MEIKIN: variants seen among roughly 807,000 people sequenced by gnomAD.
MEIKIN encodes meiotic kinetochore factor, also known as meiosis-specific kinetochore protein.
chr5:131,883,813 C>T (rs1369843583), intron 8 of MEIKIN, among the ~76,000 whole-genome samples: 2 of 152,178 alleles, frequency 1.3e-5, no homozygotes, highest in Non-Finnish European at 2.9e-5. Context: ...CCTTCATCCC[C>T]CCACAGCAGC....
intron 9 of MEIKIN, among the ~76,000 whole-genome samples, chr5:131,867,101 A>G (rs952774406): frequency 3.3e-5 from 5 of 152,208 alleles, no homozygotes; most frequent in South Asian, 2.1e-4. Flanking sequence ...TCTTCAACCC[A>G]TTCTAATCTG....
intron 8 of MEIKIN, among the ~76,000 whole-genome samples, chr5:131,881,955 C>CA (rs1434345910): frequency 1.3e-5 from 2 of 152,076 alleles, no homozygotes; most frequent in East Asian, 3.9e-4. Flanking sequence ...TTGATATGTC[C>CA]AAAAAAATTA....
intron 9 of MEIKIN, among the ~76,000 whole-genome samples, chr5:131,857,850 A>C (rs1435798048): frequency 6.6e-6 from 1 of 152,076 alleles, no homozygotes; most frequent in African/African-American, 2.4e-5. Flanking sequence ...TGCTGGTGTG[A>C]GCACACCCTG....
chr5:131,916,883 T>C lies in MEIKIN; in HGVS notation c.638+3A>G. The stretch of plus-strand genomic sequence containing the variant: ...CAACAATTTTAAAATTTTTAGTTCT[T>C]ACGTTTTTCTATGGCATTTCTGATA... On this transcript the variant is annotated splice_donor_region_variant and intron_variant, in intron 7 of 12. Coordinates refer to ENST00000442687, the MANE Select transcript of MEIKIN (RefSeq NM_001303622.2). The C allele has an allele frequency of 2.5e-6, 1 of 397,374 alleles. No individual in the cohort carries two copies. Among genetic ancestry groups the C allele is most frequent in the Non-Finnish European group, 4.4e-6 (1 of 225,106 alleles). The allele number at this position is 397,374 out of a possible 1,614,324, so 24.6% of individuals were successfully genotyped here.
chr5:131,823,237 A>G (rs1749550858), intron 11 of MEIKIN, among the ~76,000 whole-genome samples: 1 of 152,068 alleles, frequency 6.6e-6, no homozygotes, highest in African/African-American at 2.4e-5. Flanking sequence ...TTTCTCTATG[A>G]TTGGGAAGTT....
At chr5:131,872,048 A>G (rs1750513154) in intron 9 of MEIKIN, among the ~76,000 whole-genome samples, 3 of 152,216 alleles carry the variant, frequency 2.0e-5, no homozygotes, top group Admixed American at 2.0e-4. Flanking sequence ...AAGATGGGGA[A>G]AAAACAGAGC....
At chr5:131,872,380 C>A (rs1750521017) in intron 9 of MEIKIN, among the ~76,000 whole-genome samples, 1 of 152,060 alleles carries the variant, frequency 6.6e-6, no homozygotes, top group African/African-American at 2.4e-5. Context: ...ATGCAATCAA[C>A]TGGAAGAAAG....
At chr5:131,869,608 G>T (rs1003412826) in intron 9 of MEIKIN, among the ~76,000 whole-genome samples, 1 of 152,208 alleles carries the variant, frequency 6.6e-6, no homozygotes, top group Middle Eastern at 3.4e-3. Flanking sequence ...GAATATTCTC[G>T]CATTCTGTTT....
intron 8 of MEIKIN, among the ~76,000 whole-genome samples, chr5:131,880,100 T>A (rs1015879912): frequency 1.3e-5 from 2 of 150,308 alleles, no homozygotes; most frequent in East Asian, 2.0e-4. Flanking sequence ...ATATACAATT[T>A]TTTTTGAGAC....
At chr5:131,875,775 T>C (rs1750601420) in intron 9 of MEIKIN, among the ~76,000 whole-genome samples, 1 of 152,212 alleles carries the variant, frequency 6.6e-6, no homozygotes, top group African/African-American at 2.4e-5. Context: ...CAAAACAGCA[T>C]GGTACTGGTA....
At chr5:131,879,123 T>A in intron 8 of MEIKIN, 75 bp from the exon 9 acceptor site, 1 of 397,058 alleles carries the variant, frequency 2.5e-6, no homozygotes, top group African/African-American at 2.1e-5. Context: ...GACAAGAGAA[T>A]TCAAATTTGA....
At chr5:131,897,867 A>G (rs1315735019) in intron 8 of MEIKIN, among the ~76,000 whole-genome samples, 2 of 152,132 alleles carry the variant, frequency 1.3e-5, no homozygotes, top group Non-Finnish European at 2.9e-5. Context: ...AGCTCAGAGA[A>G]GTTTGTTATT....
chr5:131,821,348 G>T (rs1290247007), intron 11 of MEIKIN, among the ~76,000 whole-genome samples: 1 of 152,066 alleles, frequency 6.6e-6, no homozygotes. Context: ...CTCCATTGTG[G>T]TCAGGGTAGA....
intron 11 of MEIKIN, among the ~76,000 whole-genome samples, chr5:131,840,417 G>A (rs150449754): frequency 2.6e-5 from 4 of 152,102 alleles, no homozygotes; most frequent in African/African-American, 9.7e-5. Context: ...CTCTAGCTAG[G>A]TTGGGGAAGT....
chr5:131,925,961 C>A (rs1751580617), intron 5 of MEIKIN, among the ~76,000 whole-genome samples: 1 of 152,172 alleles, frequency 6.6e-6, no homozygotes, highest in African/African-American at 2.4e-5. Flanking sequence ...GCCACCACAC[C>A]CAGCCTTGTG....
chr5:131,827,457 G>A (rs893500382), intron 11 of MEIKIN, among the ~76,000 whole-genome samples: 9 of 152,132 alleles, frequency 5.9e-5, no homozygotes, highest in African/African-American at 2.2e-4. Flanking sequence ...GAGCTTGTCA[G>A]ACTGGAAAGC....
chr5:131,820,409 T>C (rs1292418855), intron 11 of MEIKIN, among the ~76,000 whole-genome samples: 1 of 152,160 alleles, frequency 6.6e-6, no homozygotes, highest in Non-Finnish European at 1.5e-5. Flanking sequence ...TTCAAATGTA[T>C]TGTTGAATTT....
At chr5:131,836,750 T>C (rs1322988623) in intron 11 of MEIKIN, among the ~76,000 whole-genome samples, 1 of 152,040 alleles carries the variant, frequency 6.6e-6, no homozygotes, top group Non-Finnish European at 1.5e-5. Flanking sequence ...GTTTTTTTTT[T>C]TTCTTGTAAA....
At position 131,905,042 on chromosome 5, in the gene MEIKIN, G is replaced by T. The variant is rs183172193; in HGVS notation, c.703+6773C>A. Among the ~76,000 whole-genome samples, 484 of 152,164 alleles carry T rather than the reference G, an allele frequency of 3.2e-3. 3 individuals carry two copies. Among genetic ancestry groups the T allele is most frequent in the African/African-American group, 0.011 (461 of 41,496 alleles). Reference sequence around the variant, plus strand: ...GGAGACATACCTAATGTAGGTGAAGGGTTGATGGGTGCAGCAAACCACCAC... The same window carrying T: ...GGAGACATACCTAATGTAGGTGAAGTGTTGATGGGTGCAGCAAACCACCAC... On this transcript the variant is annotated intron_variant, in intron 8 of 12. Transcript: ENST00000442687.
Sources: allele counts gnomAD v4.1 joint callset (sites outside exome capture counted in the v4.1 genomes callset), GRCh38; gene constraint gnomAD v4.1.1; transcripts MANE v1.5; gene names NCBI Gene and HGNC (gene_info 2026-07-23, HGNC 2026-07-21).